Variants in TRIM67 observed in about 807,000 individuals in gnomAD.
TRIM67 encodes the protein tripartite motif containing 67.
TRIM67 carries 39 observed loss-of-function variants against 71.0 expected under a neutral mutation model. The ratio of observed to expected loss-of-function variants is 0.55; its 90% CI spans 0.43 to 0.72. TRIM67 has a LOEUF of 0.72. Among genes scored for constraint, TRIM67 ranks in the 30% least tolerant of loss-of-function variants. TRIM67 has a pLI of 0.00. For missense variants in TRIM67, 973 were observed against 1,079.2 expected (o/e 0.90, Z 1.38); for synonymous variants, 481 against 473.9 (o/e 1.01, Z -0.19).
intron 7 of TRIM67, among the ~76,000 whole-genome samples, chr1:231,207,941 A>G (rs11803679): frequency 0.051 from 7,723 of 151,356 alleles, 369 homozygotes; most frequent in African/African-American, 0.13. Context: ...TGGCCACATC[A>G]CTTCACCTCT....
intron 1 of TRIM67, among the ~76,000 whole-genome samples, chr1:231,189,502 G>A (rs1276243050): frequency 6.6e-6 from 1 of 152,186 alleles, no homozygotes; most frequent in East Asian, 1.9e-4. Flanking sequence ...TAGGAGATGA[G>A]GATGGAAGCA....
intron 1 of TRIM67, among the ~76,000 whole-genome samples, chr1:231,172,664 T>TA (rs1381044826): frequency 2.0e-5 from 3 of 152,178 alleles, no homozygotes; most frequent in Admixed American, 6.5e-5. Flanking sequence ...ACATGACATC[T>TA]AAAAAAATCT....
chr1:231,211,795 C>T (rs1341173224), intron 8 of TRIM67, among the ~76,000 whole-genome samples: 3 of 152,216 alleles, frequency 2.0e-5, no homozygotes, highest in Non-Finnish European at 4.4e-5. Flanking sequence ...CAGCCCTGAG[C>T]GGGCGCGGTG....
chr1:231,185,925 G>A lies in TRIM67; in HGVS notation c.1045-11446G>A, dbSNP rs1683061078. The A allele has an allele frequency of 4.7e-6, 3 of 643,526 alleles. No individual in the cohort carries two copies. In the African/African-American group the frequency reaches 5.5e-5, roughly 12 times the overall value. 39.9% of individuals were successfully genotyped at this position (643,526 alleles called of 1,614,324 possible). ...ACGTGGGCAAGCTGAGCTAGGACTGGAGATGAGTGTGATAAACGGCCGTGA... is the reference window on the plus strand; with the variant it reads ...ACGTGGGCAAGCTGAGCTAGGACTGAAGATGAGTGTGATAAACGGCCGTGA... On this transcript the variant is annotated intron_variant, in intron 1 of 9. Transcript: ENST00000366653.
At position 231,193,470 on chromosome 1, in the gene TRIM67, A is replaced by C. The variant is rs145186356; in HGVS notation, c.1045-3901A>C. The stretch of plus-strand genomic sequence containing the variant: ...CTCTGATAGAATTAATTCCCTTAAA[A>C]AAAAAGAAAGAGACACCTGAACTCT... On this transcript the variant is annotated intron_variant, in intron 1 of 9. Coordinates refer to ENST00000366653, the MANE Select transcript of TRIM67 (RefSeq NM_001004342.5). 1.7e-3 allele frequency among the ~76,000 whole-genome samples: 246 copies of C among 141,236 alleles called. 1 individual carries two copies. The highest frequency in any genetic ancestry group is 6.4e-3 in the African/African-American group (242 of 37,930). 92.7% of individuals were successfully genotyped at this position (141,236 alleles called of 152,430 possible).
At chr1:231,182,430 C>T (rs941572302) in intron 1 of TRIM67, among the ~76,000 whole-genome samples, 1 of 151,932 alleles carries the variant, frequency 6.6e-6, no homozygotes, top group Non-Finnish European at 1.5e-5. Context: ...AGTAAATACA[C>T]GATTACAGTA....
At chr1:231,176,910 A>AAAAAAAAAAAAAAAC in intron 1 of TRIM67, among the ~76,000 whole-genome samples, 1 of 151,092 alleles carries the variant, frequency 6.6e-6, no homozygotes, top group Non-Finnish European at 1.5e-5. Flanking sequence ...ATCTGGCAAA[A>AAAAAAAAAAAAAAAC]AAAAAAAAAA....
intron 1 of TRIM67, among the ~76,000 whole-genome samples, chr1:231,167,319 C>CTTTTTTTTTTTTTTTTTTTTTTTTTTTTT (rs1159766852): frequency 3.9e-5 from 2 of 51,842 alleles, no homozygotes; most frequent in African/African-American, 9.3e-5. Flanking sequence ...ACTCTAATGT[C>CTTTTTTTTTTTTTTTTTTTTTTTTTTTTT]TTTTTTTTTT....
chr1:231,191,571 G>A (rs1261631711), intron 1 of TRIM67, among the ~76,000 whole-genome samples: 1 of 151,984 alleles, frequency 6.6e-6, no homozygotes, highest in African/African-American at 2.4e-5. Context: ...ATAGAGACAG[G>A]GCATCAGGAG....
chr1:231,204,376 G>T (rs889592036), intron 6 of TRIM67, among the ~76,000 whole-genome samples: 24 of 152,150 alleles, frequency 1.6e-4, no homozygotes, highest in Non-Finnish European at 5.9e-5. Flanking sequence ...GTCTTGGGAG[G>T]TATCATTTCT....
chr1:231,219,389 A>C lies in TRIM67; in HGVS notation c.*3949A>C. 7.0e-6 allele frequency: 7 copies of C among 997,482 alleles called. No individual in the cohort carries two copies. Among genetic ancestry groups the C allele is most frequent in the Non-Finnish European group, 8.4e-6 (7 of 837,796 alleles). The allele number at this position is 997,482 out of a possible 1,614,324, so 61.8% of individuals were successfully genotyped here. On this transcript the variant is annotated 3_prime_UTR_variant, in exon 10 of 10. Coordinates refer to ENST00000366653, the MANE Select transcript of TRIM67 (RefSeq NM_001004342.5). ...TATGCCAGTGGTTTGTCATGCATGG[A>C]TCTGTAGAGGGACTGTGGCGCTCCG... is the stretch of plus-strand genomic sequence containing the variant.
chr1:231,215,244 C>T (rs2102767329), intron 9 of TRIM67, 131 bp from the exon 10 acceptor site: 2 of 1,343,356 alleles, frequency 1.5e-6, no homozygotes, highest in African/African-American at 1.5e-5. Context: ...CAGTCCACAG[C>T]AGCCCTGAGC....
chr1:231,169,324 G>A (rs1406228679), intron 1 of TRIM67, among the ~76,000 whole-genome samples: 2 of 151,298 alleles, frequency 1.3e-5, no homozygotes, highest in African/African-American at 2.4e-5. Flanking sequence ...CAAACTGTTG[G>A]GATTACAGGT....
intron 1 of TRIM67, among the ~76,000 whole-genome samples, chr1:231,176,371 T>A (rs987119502): frequency 1.3e-5 from 2 of 152,098 alleles, no homozygotes; most frequent in Non-Finnish European, 2.9e-5. Flanking sequence ...GCAGTGAATT[T>A]CCCCCAGAGA....
At chr1:231,165,728 A>C (rs1203343373) in intron 1 of TRIM67, among the ~76,000 whole-genome samples, 1 of 152,212 alleles carries the variant, frequency 6.6e-6, no homozygotes, top group East Asian at 1.9e-4. Flanking sequence ...TTCATCTTTT[A>C]AGTGAATAAA....
intron 7 of TRIM67, among the ~76,000 whole-genome samples, chr1:231,207,336 C>G (rs1319349933): frequency 6.6e-6 from 1 of 152,202 alleles, no homozygotes; most frequent in Non-Finnish European, 1.5e-5. Flanking sequence ...CCCTTTAATC[C>G]CCAGCATCAG....
At chr1:231,179,290 T>G (rs1018967739) in intron 1 of TRIM67, among the ~76,000 whole-genome samples, 15 of 152,258 alleles carry the variant, frequency 9.9e-5, no homozygotes, top group African/African-American at 3.6e-4. Flanking sequence ...TGCATGTATG[T>G]GTTCAAATGT....
rs188849373 is a variant in TRIM67, at chr1:231,187,515, A to G, written c.1045-9856A>G. 4.6e-4 allele frequency: 697 copies of G among 1,520,016 alleles called. 2 individuals are homozygous for G. In the African/African-American group the frequency reaches 8.3e-3, roughly 18 times the overall value. The allele number at this position is 1,520,016 out of a possible 1,614,324, so 94.2% of individuals were successfully genotyped here. A position where few individuals can be genotyped will look rare whatever the true frequency, so the allele number is the denominator to read the frequency against. On this transcript the variant is annotated intron_variant, in intron 1 of 9. Coordinates refer to ENST00000366653, the MANE Select transcript of TRIM67 (RefSeq NM_001004342.5). ...CCACAGGTTAAAAAAAAAAAACAATACCTTAGCACTGAGGGGCAGATAAAA... is the reference window on the plus strand; with the variant it reads ...CCACAGGTTAAAAAAAAAAAACAATGCCTTAGCACTGAGGGGCAGATAAAA...
In TRIM67 at chr1:231,182,209, A is replaced by G. The variant is rs998628767; in HGVS notation, c.1045-15162A>G. Among the ~76,000 whole-genome samples the G allele has an allele frequency of 2.6e-5, 4 of 152,106 alleles. No individual in the cohort carries two copies. The East Asian group carries it at 7.7e-4, about 29-fold the overall frequency. On this transcript the variant is annotated intron_variant, in intron 1 of 9. Transcript: ENST00000366653. ...TAAAAACTAATTCACTTATTCAACA[A>G]ATATTTATGGGACATACACTGGTAG...
Sources: allele counts gnomAD v4.1 joint callset (sites outside exome capture counted in the v4.1 genomes callset), GRCh38; gene constraint gnomAD v4.1.1; transcripts MANE v1.5; gene names NCBI Gene and HGNC (gene_info 2026-07-23, HGNC 2026-07-21).